FUT8: variants seen among roughly 807,000 people sequenced by gnomAD.
FUT8 encodes alpha-(1,6)-fucosyltransferase.
FUT8 carries 29 observed loss-of-function variants against 71.3 expected under a neutral mutation model. The observed-to-expected ratio is 0.41, with a 90% CI of 0.30 to 0.55. The LOEUF is 0.55. Among genes scored for constraint, FUT8 ranks in the 20% least tolerant of loss-of-function variants. The probability of loss-of-function intolerance (pLI) is 0.34; values close to 1 mark genes in which losing one functional copy is unlikely to be tolerated. For synonymous variants in FUT8, 254 were observed against 239.3 expected, an observed-to-expected ratio of 1.06 and a Z score of -0.57; for missense variants, 544 against 702.1, an observed-to-expected ratio of 0.77 and a Z score of 2.55.
chr14:65,723,193 C>T (rs1422155290), intron 8 of FUT8, among the ~76,000 whole-genome samples: 1 of 149,454 alleles, frequency 6.7e-6, no homozygotes, highest in Non-Finnish European at 1.5e-5. Flanking sequence ...GGCTTGGTGA[C>T]ACATGCCTGT....
chr14:65,675,456 C>G (rs945902542), intron 7 of FUT8, among the ~76,000 whole-genome samples: 1 of 152,092 alleles, frequency 6.6e-6, no homozygotes, highest in African/African-American at 2.4e-5. Flanking sequence ...AAAATTTGAT[C>G]AAACTCCAGC....
At chr14:65,462,257 G>C (rs1427477514) in intron 2 of FUT8, among the ~76,000 whole-genome samples, 2 of 152,166 alleles carry the variant, frequency 1.3e-5, no homozygotes, top group Non-Finnish European at 2.9e-5. Context: ...GTTTATTTGG[G>C]TGAAGCTAAT....
intron 2 of FUT8, among the ~76,000 whole-genome samples, chr14:65,554,037 T>TA (rs1885441703): frequency 6.6e-6 from 1 of 152,140 alleles, no homozygotes. Context: ...CAGTTACACC[T>TA]GCACTAGATC....
At chr14:65,418,101 G>T (rs1243275667) in intron 1 of FUT8, among the ~76,000 whole-genome samples, 1 of 152,248 alleles carries the variant, frequency 6.6e-6, no homozygotes, top group East Asian at 1.9e-4. Flanking sequence ...TAGCAATGAG[G>T]CACATGAAGA....
At chr14:65,409,790 A>C (rs1014117156), upstream of FUT8, among the ~76,000 whole-genome samples, 1 of 152,258 alleles carries the variant, frequency 6.6e-6, no homozygotes, top group African/African-American at 2.4e-5. This position sits in a 1 kb window ranked among gnomAD's most constrained non-coding sequence, Gnocchi z 5.4. Context: ...ATGCACTGAC[A>C]AGGCCCTGTT....
At chr14:65,494,351 T>C (rs1338563701) in intron 2 of FUT8, among the ~76,000 whole-genome samples, 1 of 152,160 alleles carries the variant, frequency 6.6e-6, no homozygotes, top group Non-Finnish European at 1.5e-5. Flanking sequence ...CTAACCACAT[T>C]TCATATGGCT....
At chr14:65,462,152 TAGTCTTGTTGG>T (rs2065978036) in intron 2 of FUT8, among the ~76,000 whole-genome samples, 1 of 152,202 alleles carries the variant, frequency 6.6e-6, no homozygotes, top group Non-Finnish European at 1.5e-5. Flanking sequence ...GTATTAATAT[TAGTCTTGTTGG>T]AGTCACAAAA....
chr14:65,363,525 G>A, the FUT8 span, among the ~76,000 whole-genome samples: 1 of 152,136 alleles, frequency 6.6e-6, no homozygotes, highest in East Asian at 1.9e-4. Context: ...CCAAAGTGCC[G>A]AGATTACAGG....
chr14:65,694,580 A>G (rs1893885559), intron 7 of FUT8, among the ~76,000 whole-genome samples: 1 of 152,218 alleles, frequency 6.6e-6, no homozygotes, highest in African/African-American at 2.4e-5. Context: ...GCTGCTATAA[A>G]GACACATACA....
At chr14:65,387,140 C>G in the FUT8 span, among the ~76,000 whole-genome samples, 1 of 152,038 alleles carries the variant, frequency 6.6e-6, no homozygotes, top group Non-Finnish European at 1.5e-5. Flanking sequence ...CCATGCCCGG[C>G]TAAATATTTT....
At chr14:65,717,297 T>G (rs1420754883) in intron 7 of FUT8, among the ~76,000 whole-genome samples, 13 of 15,986 alleles carry the variant, frequency 8.1e-4, no homozygotes, top group Admixed American at 1.5e-3. Flanking sequence ...TCCCAGACGA[T>G]GGGCGGCCGG....
intron 3 of FUT8, among the ~76,000 whole-genome samples, chr14:65,612,088 T>C (rs1287489712): frequency 6.6e-6 from 1 of 152,250 alleles, no homozygotes; most frequent in Non-Finnish European, 1.5e-5. Context: ...TTGGTTTTGA[T>C]AGATTGATTT....
intron 1 of FUT8, among the ~76,000 whole-genome samples, chr14:65,442,131 G>A (rs1210633353): frequency 6.6e-6 from 1 of 151,750 alleles, no homozygotes; most frequent in Non-Finnish European, 1.5e-5. Context: ...GATGCATCCA[G>A]ATTGAGAAGC....
chr14:65,644,242 A>G (rs577329873), intron 6 of FUT8, among the ~76,000 whole-genome samples: 1 of 152,252 alleles, frequency 6.6e-6, no homozygotes, highest in Non-Finnish European at 1.5e-5. Flanking sequence ...ATGAAAAGGA[A>G]TACAAAATAT....
In FUT8 at chr14:65,456,739, G is replaced by A. The variant is rs538487698; in HGVS notation, c.-228+1021G>A. ...AATACAAAAATTAGTTGGGTGTGGTGGTTCACGTCTGTAGTCCCAGCTATT... is the reference window on the plus strand; with the variant it reads ...AATACAAAAATTAGTTGGGTGTGGTAGTTCACGTCTGTAGTCCCAGCTATT... On this transcript the variant is annotated intron_variant, in intron 2 of 10. Coordinates refer to ENST00000673929, the MANE Select transcript of FUT8 (RefSeq NM_001371533.1). Among the ~76,000 whole-genome samples, 16 of 151,784 alleles carry A rather than the reference G, an allele frequency of 1.1e-4. No individual in the cohort carries two copies. The South Asian group carries it at 3.3e-3, about 32-fold the overall frequency.
At chr14:65,731,870 G>A (rs780438603) in intron 9 of FUT8, among the ~76,000 whole-genome samples, 5 of 152,018 alleles carry the variant, frequency 3.3e-5, no homozygotes, top group Non-Finnish European at 7.4e-5. Context: ...GTTACTTCTT[G>A]GTAAATTGAT....
At chr14:65,537,650 C>T (rs1250133354) in intron 2 of FUT8, among the ~76,000 whole-genome samples, 1 of 152,020 alleles carries the variant, frequency 6.6e-6, no homozygotes, top group Non-Finnish European at 1.5e-5. Context: ...GCCTCCCAAA[C>T]TGCTGGAATT....
intron 3 of FUT8, among the ~76,000 whole-genome samples, chr14:65,615,355 C>T (rs1345524906): frequency 6.6e-6 from 1 of 152,128 alleles, no homozygotes; most frequent in Non-Finnish European, 1.5e-5. Flanking sequence ...AATCCTCCTA[C>T]CTGGGCCTCC....
rs1403328669 is a variant in FUT8, at chr14:65,652,242, G to T, written c.598-17001G>T. On this transcript the variant is annotated intron_variant, in intron 6 of 10. Transcript: ENST00000673929. The surrounding 1 kb of genome is among the most constrained non-coding windows in gnomAD (Gnocchi z 4.0). ...TGTAAGAGCCTTCAGTGGACCAGAA[G>T]CTGGAAAGGCCAGATACTCGCTTTC... Among the ~76,000 whole-genome samples the T allele has an allele frequency of 6.6e-6, 1 of 152,184 alleles. No homozygotes were observed. Among genetic ancestry groups the T allele is most frequent in the Non-Finnish European group, 1.5e-5 (1 of 68,024 alleles).
Sources: gnomAD v4.1 joint callset for allele counts (sites outside exome capture counted in the v4.1 genomes callset) on GRCh38, gnomAD v4.1.1 for gene constraint, Gnocchi (gnomAD v3.1) non-coding constraint, MANE v1.5 for transcripts, NCBI Gene and HGNC (gene_info 2026-07-23, HGNC 2026-07-21) for gene names.